The following TTC1 variants were observed in gnomAD, a reference collection of about 807,000 sequenced individuals.
TTC1 encodes tetratricopeptide repeat protein 1.
Under a neutral mutation model 37.6 loss-of-function variants are expected in TTC1, and 31 were observed. That is an observed-to-expected ratio of 0.82 (90% CI 0.62 to 1.11). The LOEUF (loss-of-function observed/expected upper bound fraction) is 1.11, where lower values mean the gene tolerates loss of function less well. Among genes scored for constraint, TTC1 ranks in the 50% most tolerant of loss-of-function variants. The probability of loss-of-function intolerance (pLI) is 0.00; values close to 1 mark genes in which losing one functional copy is unlikely to be tolerated. For synonymous variants in TTC1, 127 were observed against 122.4 expected, an observed-to-expected ratio of 1.04 and a Z score of -0.25; for missense variants, 351 against 339.0, an observed-to-expected ratio of 1.04 and a Z score of -0.28.
intron 5 of TTC1, among the ~76,000 whole-genome samples, chr5:160,044,536 T>G (rs1272009889): frequency 6.6e-6 from 1 of 152,222 alleles, no homozygotes; most frequent in Non-Finnish European, 1.5e-5. Flanking sequence ...GGGTAACTTC[T>G]GAATGTTGCC....
rs537672643 is a variant in TTC1, at chr5:160,024,683, G to T, written c.331-10457G>T. Among the ~76,000 whole-genome samples, 141 of 150,280 alleles carry T rather than the reference G, an allele frequency of 9.4e-4. 3 individuals are homozygous for T. The highest frequency in any genetic ancestry group is 8.4e-4 in the Non-Finnish European group (57 of 67,604). ...AGCTAAATTTTTTTTTTTTTTTCAG[G>T]ATATGGGGTTTTGCTTTGTTGCCCC... On this transcript the variant is annotated intron_variant, in intron 2 of 7. Transcript: ENST00000231238.
chr5:160,061,193 G>T (rs1307379463), intron 7 of TTC1, among the ~76,000 whole-genome samples: 6 of 152,210 alleles, frequency 3.9e-5, no homozygotes. Flanking sequence ...CGCTGTTTGG[G>T]CTTGCACGGA....
At chr5:160,059,706 C>T (rs959774683) in intron 7 of TTC1, among the ~76,000 whole-genome samples, 1 of 152,222 alleles carries the variant, frequency 6.6e-6, no homozygotes, top group Non-Finnish European at 1.5e-5. Context: ...CCGCACTTAC[C>T]ATTTCAGTTA....
chr5:160,027,754 T>C (rs760397176), intron 2 of TTC1, among the ~76,000 whole-genome samples: 1 of 152,240 alleles, frequency 6.6e-6, no homozygotes, highest in South Asian at 2.1e-4. Context: ...GTTGAAAATT[T>C]TTCTCATTCA....
intron 3 of TTC1, among the ~76,000 whole-genome samples, chr5:160,036,208 A>G (rs1407235720): frequency 5.9e-5 from 9 of 152,310 alleles, no homozygotes; most frequent in East Asian, 1.9e-4. Flanking sequence ...TCTCTCTTCA[A>G]ACATTTCACG....
intron 2 of TTC1, among the ~76,000 whole-genome samples, chr5:160,018,541 T>C (rs1305908025): frequency 1.3e-5 from 2 of 152,186 alleles, no homozygotes; most frequent in East Asian, 3.9e-4. Flanking sequence ...GTTCAAGGAA[T>C]GGAAGAGCCG....
rs747627523 is a variant in TTC1, at chr5:160,010,815, A to G, written c.287A>G (p.Tyr96Cys). The G allele has an allele frequency of 4.0e-5, 65 of 1,613,242 alleles. No homozygotes were observed. The highest frequency in any genetic ancestry group is 5.9e-6 in the Non-Finnish European group (7 of 1,179,476). ...DVNSSELDEE[Y>C]LIELEKNMSD... The stretch of plus-strand genomic sequence containing the variant: ...AATTCCTCTGAACTAGATGAAGAAT[A>G]CCTAATAGAACTGGAAAAAAACATG... The change falls in exon 2 of 8, where the codon TAC becomes TGC. Residue 96 changes from tyrosine to cysteine, a missense_variant. Coordinates refer to ENST00000231238, the MANE Select transcript of TTC1 (RefSeq NM_003314.3).
intron 7 of TTC1, among the ~76,000 whole-genome samples, chr5:160,058,409 CTTTTTTTTTT>C (rs1171929571): frequency 7.7e-6 from 1 of 129,776 alleles, no homozygotes; most frequent in Admixed American, 7.9e-5. Context: ...AAGTGTATTT[CTTTTTTTTTT>C]TTTTTTTTTG....
chr5:160,019,946 T>C (rs1251175184), intron 2 of TTC1, among the ~76,000 whole-genome samples: 1 of 152,148 alleles, frequency 6.6e-6, no homozygotes, highest in African/African-American at 2.4e-5. Flanking sequence ...TTGTTTATTT[T>C]GAGACAGAGT....
intron 2 of TTC1, among the ~76,000 whole-genome samples, chr5:160,013,290 T>A (rs1016510679): frequency 6.6e-6 from 1 of 152,176 alleles, no homozygotes; most frequent in Non-Finnish European, 1.5e-5. Context: ...CGAAACAGAT[T>A]GAAGAAATGT....
chr5:160,035,077 T>C, intron 2 of TTC1, 63 bp from the exon 3 acceptor site: 2 of 1,425,032 alleles, frequency 1.4e-6, no homozygotes, highest in Non-Finnish European at 1.9e-6. Flanking sequence ...TAAGGAAAGC[T>C]CACCTTTTTG....
At chr5:160,049,268 G>A (rs1460014425) in intron 5 of TTC1, among the ~76,000 whole-genome samples, 3 of 152,102 alleles carry the variant, frequency 2.0e-5, no homozygotes, top group African/African-American at 7.2e-5. Context: ...TATTATCTGT[G>A]CCTGCTCTCG....
At chr5:160,060,267 C>T (rs1378708412) in intron 7 of TTC1, among the ~76,000 whole-genome samples, 2 of 152,202 alleles carry the variant, frequency 1.3e-5, no homozygotes, top group African/African-American at 4.8e-5. Flanking sequence ...GGGTAAACTG[C>T]CTGATGCACA....
At chr5:160,035,619 C>CTCTT (rs998428644) in intron 3 of TTC1, among the ~76,000 whole-genome samples, 11 of 152,174 alleles carry the variant, frequency 7.2e-5, no homozygotes, top group South Asian at 2.1e-4. Flanking sequence ...CCTTTGGTTG[C>CTCTT]TCTTTCTTTC....
intron 4 of TTC1, 132 bp from the exon 5 acceptor site, chr5:160,043,001 T>G: frequency 1.1e-6 from 1 of 930,888 alleles, no homozygotes; most frequent in Non-Finnish European, 1.6e-6. Flanking sequence ...ACATTCAGGT[T>G]TTTACGTAAT....
At chr5:160,012,709 G>A (rs541829065) in intron 2 of TTC1, among the ~76,000 whole-genome samples, 1 of 152,258 alleles carries the variant, frequency 6.6e-6, no homozygotes, top group African/African-American at 2.4e-5. Context: ...AATATTCTAA[G>A]TAGAACAATA....
chr5:160,051,293 C>G (rs374517414), intron 7 of TTC1, 110 bp downstream of exon 7: 15 of 821,126 alleles, frequency 1.8e-5, no homozygotes, highest in East Asian at 1.0e-4. Context: ...GACTCTACCA[C>G]AAGGCTACTG....
chr5:160,035,197 G>C lies in TTC1; in HGVS notation c.388G>C (p.Gly130Arg), dbSNP rs745670630. Residue 130 changes from glycine to arginine, a missense_variant, in exon 3 of 8, where the codon GGA becomes CGA. Transcript: ENST00000231238. ...KEEGNEQFKKGDYIEAESSYS... is the reference protein window; with the variant it reads ...KEEGNEQFKKRDYIEAESSYS... Reference sequence around the variant, plus strand: ...GGAGGGAAATGAACAGTTTAAGAAAGGAGGTAAGACGACTTTCAGCACTGA... The same window carrying C: ...GGAGGGAAATGAACAGTTTAAGAAACGAGGTAAGACGACTTTCAGCACTGA... 3 of 1,604,586 alleles carry C rather than the reference G, an allele frequency of 1.9e-6. No homozygotes were observed. The South Asian group carries it at 3.4e-5, about 18-fold the overall frequency.
At chr5:160,047,107 A>T (rs1757271268) in intron 5 of TTC1, among the ~76,000 whole-genome samples, 1 of 152,206 alleles carries the variant, frequency 6.6e-6, no homozygotes, top group African/African-American at 2.4e-5. Context: ...TTTAAAATAT[A>T]AAACTAATAA....
Sources: allele counts gnomAD v4.1 joint callset (sites outside exome capture counted in the v4.1 genomes callset), GRCh38; gene constraint gnomAD v4.1.1; transcripts MANE v1.5; gene names NCBI Gene and HGNC (gene_info 2026-07-23, HGNC 2026-07-21).